The following RIOK3 variants were observed in gnomAD, a reference collection of about 807,000 sequenced individuals.
RIOK3 encodes RIO kinase 3, also known as serine/threonine-protein kinase RIO3.
Under a neutral mutation model 63.5 loss-of-function variants are expected in RIOK3, and 40 were observed. The observed-to-expected ratio is 0.63, with a 90% CI of 0.49 to 0.82. The LOEUF is 0.82. Among genes scored for constraint, RIOK3 ranks in the 40% least tolerant of loss-of-function variants. The pLI, the probability that RIOK3 is intolerant of heterozygous loss-of-function variation, is 0.00. For missense variants in RIOK3, 557 were observed against 637.0 expected, an observed-to-expected ratio of 0.87 and a Z score of 1.35; for synonymous variants, 193 against 205.0, an observed-to-expected ratio of 0.94 and a Z score of 0.50.
Position 23,482,523 on chromosome 18 carries a change from A to G in RIOK3, c.*1244A>G, listed in dbSNP as rs1162132947. ...AAACTCCATCTCCAGGAAAAAAAAA[A>G]AAAAACCCAATTTGGATACCAAATT... On this transcript the variant is annotated 3_prime_UTR_variant, in exon 13 of 13. Transcript: ENST00000339486. 6.6e-6 allele frequency: 1 copy of G among 152,156 alleles called. No homozygotes were observed. 9.4% of individuals were successfully genotyped at this position (152,156 alleles called of 1,614,324 possible).
intron 1 of RIOK3, among the ~76,000 whole-genome samples, chr18:23,457,832 C>CT (rs1415134948): frequency 3.3e-5 from 5 of 151,820 alleles, no homozygotes; most frequent in African/African-American, 1.2e-4. Context: ...TTATGTTTCT[C>CT]TTGACTCGCT....
intron 7 of RIOK3, among the ~76,000 whole-genome samples, chr18:23,469,257 G>A (rs930435087): frequency 2.7e-5 from 4 of 149,694 alleles, no homozygotes; most frequent in Non-Finnish European, 4.4e-5. Flanking sequence ...CACACCAAGG[G>A]GGCTGGGAGT....
rs116415125 is a variant in RIOK3 at position 23,460,901 on chromosome 18, A to G, written c.64-2063A>G. ...GCTCTGAGTGAATGAAAGACACACC[A>G]GACTTTCAGGAAGCCTCTTCTTCTC... On this transcript the variant is annotated intron_variant, in intron 1 of 12. Coordinates refer to ENST00000339486, the MANE Select transcript of RIOK3 (RefSeq NM_003831.5). Among the ~76,000 whole-genome samples the G allele has an allele frequency of 4.0e-3, 613 of 152,358 alleles. 8 individuals carry two copies. Among genetic ancestry groups the G allele is most frequent in the African/African-American group, 0.014 (585 of 41,584 alleles).
chr18:23,463,426 G>GA (rs755299517), intron 2 of RIOK3: 1 of 37,846 alleles, frequency 2.6e-5, no homozygotes, highest in Non-Finnish European at 5.5e-5. Flanking sequence ...TTTTTTTTTT[G>GA]GAGATGGAAT....
chr18:23,463,904 T>A, intron 2 of RIOK3, 63 bp from the exon 3 acceptor site: 1 of 1,426,842 alleles, frequency 7.0e-7, no homozygotes, highest in East Asian at 2.3e-5. Context: ...CCTACTCTCA[T>A]AATTGGCAAC....
intron 2 of RIOK3, among the ~76,000 whole-genome samples, chr18:23,463,484 G>A (rs1275139106): frequency 1.4e-5 from 2 of 147,186 alleles, no homozygotes; most frequent in African/African-American, 2.5e-5. Context: ...ATCTCGGCTC[G>A]GCACAACCTC....
At chr18:23,465,368 C>G (rs1396164139) in intron 5 of RIOK3, among the ~76,000 whole-genome samples, 1 of 151,780 alleles carries the variant, frequency 6.6e-6, no homozygotes, top group Non-Finnish European at 1.5e-5. Context: ...TGAAACTCTG[C>G]CTCAAAAAAA....
chr18:23,480,535 T>G (rs1379461573), intron 12 of RIOK3, among the ~76,000 whole-genome samples: 2 of 140,828 alleles, frequency 1.4e-5, no homozygotes, highest in African/African-American at 5.4e-5. Context: ...GTATGACTAT[T>G]TGTGTATACT....
chr18:23,479,492 C>A (rs1298861442), intron 12 of RIOK3, 68 bp downstream of exon 12: 2 of 854,186 alleles, frequency 2.3e-6, no homozygotes, highest in African/African-American at 1.7e-5. Context: ...ATAACTGAAA[C>A]CCAGAGCTAG....
rs747347439 is a variant in RIOK3, at chr18:23,477,081, G to C, written c.1249G>C (p.Gly417Arg). Residue 417 changes from glycine to arginine, a missense_variant, in exon 10 of 13, where the codon GGA becomes CGA. Gly to Arg is a moderately radical substitution (Grantham distance 125). Coordinates refer to ENST00000339486, the MANE Select transcript of RIOK3 (RefSeq NM_003831.5). The stretch of plus-strand genomic sequence containing the variant: ...TGAGTATAACATGCTGTGGCATGCT[G>C]GAAAGGTGAGGAGCACATTTTGTTA... ...LSEYNMLWHA[G>R]KVWLIDVSQS... The C allele has an allele frequency of 1.9e-6, 3 of 1,613,720 alleles. No individual in the cohort carries two copies. Among genetic ancestry groups the C allele is most frequent in the Non-Finnish European group, 2.5e-6 (3 of 1,179,682 alleles).
At chr18:23,478,667 T>C (rs1196743524) in intron 11 of RIOK3, among the ~76,000 whole-genome samples, 1 of 141,032 alleles carries the variant, frequency 7.1e-6, no homozygotes, top group Non-Finnish European at 1.5e-5. Context: ...ATGGTAAAAT[T>C]TAGTAAGCAC....
intron 7 of RIOK3, among the ~76,000 whole-genome samples, chr18:23,471,800 G>A (rs1248385233): frequency 6.6e-6 from 1 of 152,136 alleles, no homozygotes; most frequent in Admixed American, 6.6e-5. Context: ...GCCTGGGGAA[G>A]GGTAGGGTGA....
intron 9 of RIOK3, 40 bp from the exon 10 acceptor site, chr18:23,476,966 T>A (rs777139112): frequency 1.1e-5 from 17 of 1,522,134 alleles, no homozygotes; most frequent in Non-Finnish European, 1.5e-5. Flanking sequence ...TAATACCACT[T>A]AATTATTCAT....
chr18:23,460,926 C>G (rs1445454107), intron 1 of RIOK3, among the ~76,000 whole-genome samples: 4 of 152,232 alleles, frequency 2.6e-5, no homozygotes, highest in African/African-American at 9.6e-5. Context: ...CTCTTCTTCT[C>G]TCCCAAGTCT....
chr18:23,475,462 C>CAAAAA (rs60717269), intron 9 of RIOK3, among the ~76,000 whole-genome samples: 1 of 99,322 alleles, frequency 1.0e-5, no homozygotes, highest in Admixed American at 1.2e-4. Flanking sequence ...GACTCTGTCT[C>CAAAAA]AAAAAAAAAA....
At chr18:23,472,650 A>G (rs1598812947) in intron 7 of RIOK3, among the ~76,000 whole-genome samples, 1 of 152,156 alleles carries the variant, frequency 6.6e-6, no homozygotes, top group Non-Finnish European at 1.5e-5. Flanking sequence ...CTCGATCTTC[A>G]TGAAGCACGC....
At chr18:23,462,423 G>A (rs998531970) in intron 1 of RIOK3, among the ~76,000 whole-genome samples, 26 of 152,218 alleles carry the variant, frequency 1.7e-4, no homozygotes, top group African/African-American at 5.5e-4. Context: ...TTACAGGCGC[G>A]CGCCACCGCG....
chr18:23,469,351 CTCT>C (rs2057435498), intron 7 of RIOK3, among the ~76,000 whole-genome samples: 1 of 2,268 alleles, frequency 4.4e-4, no homozygotes, highest in Non-Finnish European at 1.1e-3. Flanking sequence ...CTCTCTCCCC[CTCT>C]CTCCCTCCCT....
intron 5 of RIOK3, among the ~76,000 whole-genome samples, chr18:23,465,454 A>G (rs2057400602): frequency 6.6e-6 from 1 of 152,242 alleles, no homozygotes; most frequent in South Asian, 2.1e-4. Context: ...TAGATTTTAA[A>G]GCACAAATGC....
Sources: allele counts gnomAD v4.1 joint callset (sites outside exome capture counted in the v4.1 genomes callset), GRCh38; gene constraint gnomAD v4.1.1; transcripts MANE v1.5; gene names NCBI Gene and HGNC (gene_info 2026-07-23, HGNC 2026-07-21).